GRIK2: variants seen among roughly 807,000 people sequenced by gnomAD.
GRIK2 encodes glutamate ionotropic receptor kainate type subunit 2.
Under a neutral mutation model 100.3 loss-of-function variants are expected in GRIK2, and 32 were observed. The ratio of observed to expected loss-of-function variants is 0.32; its 90% confidence interval spans 0.24 to 0.43. The LOEUF (loss-of-function observed/expected upper bound fraction) is 0.43. Among genes scored for constraint, GRIK2 ranks in the 20% least tolerant of loss-of-function variants. The pLI is 1.00. For missense variants in GRIK2, 843 were observed against 1,114.9 expected (o/e 0.76, Z 3.47); for synonymous variants, 417 against 389.4 (o/e 1.07, Z -0.83).
At chr6:101,697,304 G>A (rs1038328574) in intron 7 of GRIK2, among the ~76,000 whole-genome samples, 1 of 151,368 alleles carries the variant, frequency 6.6e-6, no homozygotes, top group Non-Finnish European at 1.5e-5. Flanking sequence ...ATCATCTGTT[G>A]TATGCAAAAT....
At chr6:101,659,122 T>G (rs916068493) in intron 4 of GRIK2, among the ~76,000 whole-genome samples, 3 of 152,332 alleles carry the variant, frequency 2.0e-5, no homozygotes, top group African/African-American at 7.2e-5. Context: ...GCCTAGGTTT[T>G]CTTCTAAGGT....
rs981653304 is a variant in GRIK2 at position 102,069,525 on chromosome 6, C to T, written c.*1014C>T. The stretch of plus-strand genomic sequence containing the variant: ...GGAGCATGGGCAGATTTCAGTGATA[C>T]GAGAAAGGGGACTGGTCATCTATAG... On this transcript the variant is annotated 3_prime_UTR_variant, in exon 17 of 17. Transcript: ENST00000369134. The T allele has an allele frequency of 4.6e-5, 7 of 151,602 alleles. No individual in the cohort carries two copies. The highest frequency in any genetic ancestry group is 1.5e-4 in the African/African-American group (6 of 41,370). 9.4% of individuals were successfully genotyped at this position (151,602 alleles called of 1,614,324 possible).
intron 10 of GRIK2, among the ~76,000 whole-genome samples, chr6:101,858,641 G>A (rs963762904): frequency 4.6e-5 from 7 of 151,608 alleles, no homozygotes; most frequent in Non-Finnish European, 8.8e-5. Context: ...TGCCCGCCTT[G>A]GCCTCCCAAA....
chr6:101,915,691 G>A (rs185204446), intron 12 of GRIK2, among the ~76,000 whole-genome samples: 200 of 151,398 alleles, frequency 1.3e-3, no homozygotes, highest in Admixed American at 4.3e-3. Context: ...GAATGTAATG[G>A]CAGTGAGTTT....
chr6:102,010,149 G>C (rs544843222), intron 14 of GRIK2, among the ~76,000 whole-genome samples: 2 of 152,078 alleles, frequency 1.3e-5, no homozygotes, highest in African/African-American at 4.8e-5. Flanking sequence ...GCACCAGAAT[G>C]GTTATATTTG....
chr6:101,852,810 A>G (rs894128118), intron 10 of GRIK2, among the ~76,000 whole-genome samples: 1 of 152,174 alleles, frequency 6.6e-6, no homozygotes, highest in Non-Finnish European at 1.5e-5. Flanking sequence ...AAGGGCATAT[A>G]AACTATGATC....
At position 101,462,797 on chromosome 6, in the gene GRIK2, C is replaced by T. The variant is rs143578210; in HGVS notation, c.115+63405C>T. ...GATTGCTCATCCCACATGAGATAAACAGATAAACATCCCACATGGAATCCT... is the reference window on the plus strand; with the variant it reads ...GATTGCTCATCCCACATGAGATAAATAGATAAACATCCCACATGGAATCCT... On this transcript the variant is annotated intron_variant, in intron 2 of 16. Transcript: ENST00000369134. Among the ~76,000 whole-genome samples, 853 of 152,200 alleles carry T rather than the reference C, an allele frequency of 5.6e-3. 9 individuals carry two copies. The highest frequency in any genetic ancestry group is 0.019 in the African/African-American group (803 of 41,538).
At chr6:101,439,498 C>T (rs1769927565) in intron 2 of GRIK2, among the ~76,000 whole-genome samples, 1 of 152,114 alleles carries the variant, frequency 6.6e-6, no homozygotes, top group Non-Finnish European at 1.5e-5. Context: ...AGATGAACTA[C>T]ATTTTACAGC....
Position 101,836,180 on chromosome 6 carries a change from C to A in GRIK2, c.1317+17697C>A, listed in dbSNP as rs1279094502. Among the ~76,000 whole-genome samples the A allele has an allele frequency of 2.6e-5, 4 of 151,934 alleles. No homozygotes were observed. In the East Asian group the frequency reaches 5.8e-4, roughly 22 times the overall value. On this transcript the variant is annotated intron_variant, in intron 10 of 16. Transcript: ENST00000369134. Reference sequence around the variant, plus strand: ...GGCCTGTATTTTTCCTTCCTATGAACAATTTCAAGATTGTCTCTATTTCTG... The same window carrying A: ...GGCCTGTATTTTTCCTTCCTATGAAAAATTTCAAGATTGTCTCTATTTCTG...
intron 14 of GRIK2, among the ~76,000 whole-genome samples, chr6:102,032,461 G>T (rs925076333): frequency 6.6e-6 from 1 of 151,164 alleles, no homozygotes; most frequent in Admixed American, 6.6e-5. Context: ...AGGTCAGAAG[G>T]AGCCTGCCTA....
chr6:101,736,468 G>T (rs888364589), intron 7 of GRIK2, among the ~76,000 whole-genome samples: 1 of 152,184 alleles, frequency 6.6e-6, no homozygotes, highest in Non-Finnish European at 1.5e-5. Context: ...TTCCCAAACC[G>T]CATTTCCTGA....
chr6:101,498,524 C>T (rs1773572364), intron 2 of GRIK2, among the ~76,000 whole-genome samples: 3 of 150,284 alleles, frequency 2.0e-5, no homozygotes, highest in Admixed American at 6.6e-5. Flanking sequence ...TCCTCTCCAG[C>T]ACCTGTTGTT....
intron 2 of GRIK2, among the ~76,000 whole-genome samples, chr6:101,566,963 T>C (rs118000615): frequency 6.6e-6 from 1 of 150,596 alleles, no homozygotes; most frequent in Non-Finnish European, 1.5e-5. Flanking sequence ...TAGACATTTA[T>C]ATATGTATAT....
intron 16 of GRIK2, among the ~76,000 whole-genome samples, chr6:102,062,700 T>G (rs1410961228): frequency 6.6e-6 from 1 of 150,540 alleles, no homozygotes; most frequent in Non-Finnish European, 1.5e-5. Context: ...CACTGTTATA[T>G]TCATATAGCC....
intron 9 of GRIK2, among the ~76,000 whole-genome samples, chr6:101,811,432 G>T (rs947668373): frequency 6.6e-6 from 1 of 151,914 alleles, no homozygotes; most frequent in Non-Finnish European, 1.5e-5. Flanking sequence ...AATATTTTGT[G>T]AGTCAATGCC....
chr6:101,674,276 T>C (rs1770662871), intron 4 of GRIK2, among the ~76,000 whole-genome samples: 1 of 152,200 alleles, frequency 6.6e-6, no homozygotes. Context: ...TATGCATGCA[T>C]GAGTTCTACC....
intron 4 of GRIK2, 123 bp downstream of exon 4, chr6:101,626,760 G>C (rs1345705593): frequency 5.2e-6 from 4 of 766,774 alleles, no homozygotes; most frequent in African/African-American, 1.8e-5. Flanking sequence ...CAGCTAAGGG[G>C]TAGAAAGACA....
At chr6:101,396,888 T>C (rs373031337) in intron 1 of GRIK2, among the ~76,000 whole-genome samples, 1 of 151,826 alleles carries the variant, frequency 6.6e-6, no homozygotes, top group African/African-American at 2.4e-5. Flanking sequence ...CAAAATTGGT[T>C]CTTTGGGGAT....
chr6:102,029,874 G>T (rs948400773), intron 14 of GRIK2, among the ~76,000 whole-genome samples: 1 of 151,110 alleles, frequency 6.6e-6, no homozygotes, highest in Non-Finnish European at 1.5e-5. Flanking sequence ...TATGCACAGA[G>T]CCAGGCTGAG....
Sources: gnomAD v4.1 joint callset for allele counts (sites outside exome capture counted in the v4.1 genomes callset) on GRCh38, gnomAD v4.1.1 for gene constraint, MANE v1.5 for transcripts, NCBI Gene and HGNC (gene_info 2026-07-23, HGNC 2026-07-21) for gene names.